RIIAD1: variants seen among roughly 807,000 people sequenced by gnomAD.
RIIAD1 encodes the protein RIIa domain-containing protein 1.
In RIIAD1, 15 loss-of-function variants were observed where a neutral mutation model predicts 13.3. The ratio of observed to expected loss-of-function variants is 1.13; its 90% CI spans 0.76 to 1.74. RIIAD1 has a LOEUF of 1.74. Among genes scored for constraint, RIIAD1 ranks in the 40% most tolerant of loss-of-function variants. RIIAD1 has a pLI of 0.00. For synonymous variants in RIIAD1, 50 were observed against 43.3 expected (o/e 1.16, Z -0.61); for missense variants, 121 against 112.2 (o/e 1.08, Z -0.35).
At chr1:151,719,533 G>A, upstream of RIIAD1, 1 of 658,824 alleles carries the variant, frequency 1.5e-6, no homozygotes, top group Non-Finnish European at 2.7e-6. Context: ...GCAAAATGTG[G>A]TGGTATGTGT....
In RIIAD1 at chr1:151,728,919, A is replaced by C. The variant is rs2101519221; in HGVS notation, c.*57+26A>C. On this transcript the variant is annotated intron_variant, in intron 4 of 4. Coordinates refer to ENST00000479191, the MANE Select transcript of RIIAD1 (RefSeq NM_001144956.3). ...GTGGGTGTTAACCTCACTTACAGAC[A>C]GAGGCTTCTTTACTCTTGTGAAAAT... 5 of 750,156 alleles carry C rather than the reference A, an allele frequency of 6.7e-6. No individual in the cohort carries two copies. The East Asian group carries it at 1.1e-4, about 16-fold the overall frequency. 46.5% of individuals were successfully genotyped at this position (750,156 alleles called of 1,614,324 possible).
upstream of RIIAD1, chr1:151,719,455 C>T (rs534977814): frequency 1.7e-6 from 1 of 588,930 alleles, no homozygotes; most frequent in Non-Finnish European, 3.0e-6. Context: ...AAAGGGAGAG[C>T]TCTGATCCTG....
At chr1:151,713,811 T>C (rs1673228569) in intron 3 of RIIAD1, among the ~76,000 whole-genome samples, 1 of 152,256 alleles carries the variant, frequency 6.6e-6, no homozygotes, top group South Asian at 2.1e-4. Context: ...TTGGCTTTGC[T>C]TTCCTAGCAG....
chr1:151,719,597 G>A (rs774212888), upstream of RIIAD1: 4 of 702,614 alleles, frequency 5.7e-6, no homozygotes, highest in Non-Finnish European at 1.0e-5. Context: ...TGAATACAGA[G>A]TGAAGACATC....
chr1:151,719,561 A>G (rs997203481), upstream of RIIAD1: 19 of 697,880 alleles, frequency 2.7e-5, no homozygotes, highest in Non-Finnish European at 4.7e-5. Flanking sequence ...GTGGCTAGTC[A>G]TGAAGTACTT....
At chr1:151,716,108 G>A in intron 4 of RIIAD1, 4 of 1,374,926 alleles carry the variant, frequency 2.9e-6, no homozygotes, top group Middle Eastern at 2.3e-4. Flanking sequence ...AAGTGGTGGG[G>A]CCCGGGGGCC....
At position 151,721,626 on chromosome 1, in the gene RIIAD1, T is replaced by A; in HGVS notation, c.84+6T>A. ...AGCAGCTGCGAAAATTCAAGGTGGG[T>A]GCGCCCGCGCCCCCATCCAGCGTCC... On this transcript the variant is annotated splice_donor_region_variant and intron_variant, in intron 1 of 4. Transcript: ENST00000479191. The A allele has an allele frequency of 1.6e-6, 2 of 1,277,316 alleles. No individual in the cohort carries two copies. The highest frequency in any genetic ancestry group is 4.9e-5 in the South Asian group (2 of 41,136). The allele number at this position is 1,277,316 out of a possible 1,614,324, so 79.1% of individuals were successfully genotyped here.
chr1:151,729,108 TGTAGTG>T (rs778498876), intron 4 of RIIAD1, among the ~76,000 whole-genome samples: 50 of 152,260 alleles, frequency 3.3e-4, no homozygotes, highest in Admixed American at 1.2e-3. Flanking sequence ...AGCTTCTTAA[TGTAGTG>T]GAATGGATTA....
chr1:151,724,822 C>G (rs189316287), intron 2 of RIIAD1, among the ~76,000 whole-genome samples: 149 of 147,886 alleles, frequency 1.0e-3, no homozygotes, highest in African/African-American at 3.6e-3. Context: ...TTTTTTGAGA[C>G]GGAGTCTCGC....
upstream of RIIAD1, among the ~76,000 whole-genome samples, chr1:151,720,810 TTA>T (rs762059420): frequency 1.2e-4 from 18 of 152,212 alleles, no homozygotes; most frequent in Admixed American, 4.6e-4. Context: ...CTCTCTGGCT[TTA>T]TGTTTCACTT....
At chr1:151,717,160 C>T (rs1673549616), upstream of RIIAD1, among the ~76,000 whole-genome samples, 1 of 152,026 alleles carries the variant, frequency 6.6e-6, no homozygotes, top group African/African-American at 2.4e-5. Context: ...AGAGGGGAGC[C>T]CGGCATCTGG....
At position 151,727,576 on chromosome 1, in the gene RIIAD1, G is replaced by T; in HGVS notation, c.163G>T (p.Glu55Ter). Residue 55 changes from glutamate (E) to a stop codon, truncating the protein, a stop_gained and splice_region_variant, in exon 3 of 5, where the codon GAA (glutamate) becomes TAA (stop). Coordinates refer to ENST00000479191, the MANE Select transcript of RIIAD1 (RefSeq NM_001144956.3). LOFTEE classifies it high-confidence loss of function. ...VEWLISGFFR[E>*]IFLKRPDNIL... ...ATCCTATCCCTTAATGTTTTCCAGA[G>T]AAATATTTTTGAAAAGACCAGACAA... is the stretch of plus-strand genomic sequence containing the variant. 2 of 1,547,832 alleles carry T rather than the reference G, an allele frequency of 1.3e-6. No homozygotes were observed. The highest frequency in any genetic ancestry group is 8.7e-7 in the Non-Finnish European group (1 of 1,143,536).
At chr1:151,715,554 A>G (rs1673407075) in intron 4 of RIIAD1, 1 of 1,251,986 alleles carries the variant, frequency 8.0e-7, no homozygotes, top group Admixed American at 2.2e-5. Context: ...CCAGCTGCTT[A>G]TCTCCCAAAC....
At chr1:151,712,395 G>T (rs1673099989) in intron 2 of RIIAD1, among the ~76,000 whole-genome samples, 1 of 152,204 alleles carries the variant, frequency 6.6e-6, no homozygotes, top group African/African-American at 2.4e-5. Context: ...TACAGCCTGG[G>T]GTCCTGCCAC....
Position 151,721,558 on chromosome 1 carries a change from C to A in RIIAD1, c.22C>A (p.Leu8Met). 1 of 1,329,630 alleles carries A rather than the reference C, an allele frequency of 7.5e-7. No homozygotes were observed. Among genetic ancestry groups the A allele is most frequent in the Non-Finnish European group, 9.6e-7 (1 of 1,038,152 alleles). 82.4% of individuals were successfully genotyped at this position (1,329,630 alleles called of 1,614,324 possible). METLPGL[L>M]QRPDPGALSA... Reference sequence around the variant, plus strand: ...CAAGATGGAGACGCTGCCAGGCTTGCTGCAGCGGCCCGACCCCGGGGCGCT... The same window carrying A: ...CAAGATGGAGACGCTGCCAGGCTTGATGCAGCGGCCCGACCCCGGGGCGCT... The change falls in exon 1 of 5, where the codon CTG (leucine) becomes ATG (methionine). Residue 8 changes from leucine to methionine, a missense_variant. Coordinates refer to ENST00000479191, the MANE Select transcript of RIIAD1 (RefSeq NM_001144956.3).
chr1:151,715,045 C>T (rs1673357306), intron 4 of RIIAD1, among the ~76,000 whole-genome samples: 1 of 152,046 alleles, frequency 6.6e-6, no homozygotes, highest in Non-Finnish European at 1.5e-5. Context: ...TCTTGATCAC[C>T]ATCATCCCTC....
chr1:151,712,382 G>A (rs1673098134), intron 2 of RIIAD1, among the ~76,000 whole-genome samples: 1 of 152,198 alleles, frequency 6.6e-6, no homozygotes, highest in Admixed American at 6.5e-5. Context: ...ATTCTTTTGA[G>A]GGTACAGCCT....
intron 4 of RIIAD1, among the ~76,000 whole-genome samples, chr1:151,714,944 T>A (rs1421936026): frequency 6.6e-6 from 1 of 151,840 alleles, no homozygotes; most frequent in Non-Finnish European, 1.5e-5. Context: ...AGAAGGACCA[T>A]GTGACCGCCA....
At chr1:151,715,254 C>T (rs1199485942) in intron 4 of RIIAD1, among the ~76,000 whole-genome samples, 2 of 151,996 alleles carry the variant, frequency 1.3e-5, no homozygotes, top group African/African-American at 2.4e-5. Context: ...TGACCCTGAC[C>T]GCCCCCACTT....
Sources: allele counts gnomAD v4.1 joint callset (sites outside exome capture counted in the v4.1 genomes callset), GRCh38; gene constraint gnomAD v4.1.1; transcripts MANE v1.5; gene names NCBI Gene and HGNC (gene_info 2026-07-23, HGNC 2026-07-21).